Variants in COX7A2L observed in about 807,000 individuals in gnomAD.
COX7A2L encodes cytochrome c oxidase subunit 7A2-like, mitochondrial.
Under a neutral mutation model 14.2 loss-of-function variants are expected in COX7A2L, and 18 were observed. That is an observed-to-expected ratio of 1.27 (90% CI 0.88 to 1.88). The LOEUF (loss-of-function observed/expected upper bound fraction) is 1.88, where lower values mean the gene tolerates loss of function less well. Among genes scored for constraint, COX7A2L ranks in the 40% most tolerant of loss-of-function variants. COX7A2L has a pLI of 0.00. For missense variants in COX7A2L, 179 were observed against 138.8 expected (o/e 1.29, Z -1.46); for synonymous variants, 65 against 57.4 (o/e 1.13, Z -0.60).
upstream of COX7A2L, among the ~76,000 whole-genome samples, chr2:42,363,222 G>A (rs1224093006): frequency 2.0e-5 from 3 of 152,030 alleles, no homozygotes; most frequent in Non-Finnish European, 2.9e-5. Context: ...ATTTTTCTAC[G>A]ACAAAAAGTT....
rs550235783 is a variant in COX7A2L, at chr2:42,354,874, G to A, written c.73-1531C>T. On this transcript the variant is annotated intron_variant, in intron 1 of 2. Coordinates refer to ENST00000234301, the MANE Select transcript of COX7A2L (RefSeq NM_004718.4). ...CAGCTAATATCTATTTAACCCTTGT[G>A]AAGTGTCAGTATCATGTCAAACATT... is the stretch of plus-strand genomic sequence containing the variant. 2.0e-5 allele frequency among the ~76,000 whole-genome samples: 3 copies of A among 152,322 alleles called. No individual in the cohort carries two copies. The South Asian group carries it at 6.2e-4, about 32-fold the overall frequency.
chr2:42,355,303 T>C (rs1161594209), intron 1 of COX7A2L, among the ~76,000 whole-genome samples: 1 of 152,348 alleles, frequency 6.6e-6, no homozygotes, highest in Admixed American at 6.5e-5. Context: ...CTCCTTTATA[T>C]CATTCTGTGA....
chr2:42,337,830 G>T (rs895753910), intron 2 of COX7A2L, among the ~76,000 whole-genome samples: 3 of 152,190 alleles, frequency 2.0e-5, no homozygotes, highest in African/African-American at 7.2e-5. Flanking sequence ...CTACCACGAA[G>T]CCTTTTGAAA....
downstream of COX7A2L, among the ~76,000 whole-genome samples, chr2:42,346,793 T>G (rs1406047358): frequency 1.3e-5 from 2 of 152,190 alleles, no homozygotes; most frequent in African/African-American, 4.8e-5. Flanking sequence ...TTTATTATAA[T>G]TAGTGATGTT....
rs1238994224 is a variant in COX7A2L, at chr2:42,338,629, G to A, written c.193-4760C>T. 6.6e-6 allele frequency among the ~76,000 whole-genome samples: 1 copy of A among 152,158 alleles called. No individual in the cohort carries two copies. The highest frequency in any genetic ancestry group is 2.4e-5 in the African/African-American group (1 of 41,424). On this transcript the variant is annotated intron_variant, in intron 2 of 2. Transcript: ENST00000468711. This position sits in a 1 kb window ranked among gnomAD's most constrained non-coding sequence, Gnocchi z 4.4. ...ACTCAGCCCCCACCAAGACCGTAGA[G>A]CCTTAGTGTGATTCAACTCCATCCC...
chr2:42,353,378 G>T, intron 1 of COX7A2L, 35 bp from the exon 2 acceptor site: 1 of 1,611,390 alleles, frequency 6.2e-7, no homozygotes, highest in Non-Finnish European at 8.5e-7. Flanking sequence ...CAAGTTGAAA[G>T]TATGTCTGAG....
intron 2 of COX7A2L, among the ~76,000 whole-genome samples, chr2:42,351,897 C>A (rs887454276): frequency 1.1e-4 from 16 of 152,074 alleles, no homozygotes; most frequent in African/African-American, 3.9e-4. Context: ...GTGGGAGGAT[C>A]GCTTGAGCCC....
intron 1 of COX7A2L, among the ~76,000 whole-genome samples, chr2:42,355,168 A>G (rs1335809155): frequency 6.6e-6 from 1 of 152,212 alleles, no homozygotes; most frequent in African/African-American, 2.4e-5. Context: ...GTTGGCCTAC[A>G]TTTAGAAATA....
intron 1 of COX7A2L, chr2:42,359,029 T>C (rs1200954106): frequency 3.3e-5 from 5 of 152,196 alleles, no homozygotes; most frequent in Non-Finnish European, 7.3e-5. Flanking sequence ...AACTGTGATA[T>C]ATTTATAAAA....
rs1670593542 is a variant in COX7A2L, at chr2:42,350,154, GCT to G, written c.*1063_*1064del. 2 of 152,152 alleles carry G rather than the reference GCT, an allele frequency of 1.3e-5. No homozygotes were observed. The highest frequency in any genetic ancestry group is 4.8e-5 in the African/African-American group (2 of 41,426). The allele number at this position is 152,152 out of a possible 1,614,324, so 9.4% of individuals were successfully genotyped here. A position where few individuals can be genotyped will look rare whatever the true frequency, so the allele number is the denominator to read the frequency against. On this transcript the variant is annotated 3_prime_UTR_variant, in exon 3 of 3. Transcript: ENST00000234301. ...CCTGAGCAAGAGGTCACTGTTCTGT[GCT>G]ATGGTAAGATACAAACTATTCCTTC...
rs1036809384 is a variant in COX7A2L, at chr2:42,338,264, C to T, written c.193-4395G>A. ...GGTTGATGTGTCGTTGGTACTCCTC[C>T]TCGGATGCCCTCTCCTGAAGCCATC... On this transcript the variant is annotated intron_variant, in intron 2 of 2. Transcript: ENST00000468711. This position sits in a 1 kb window ranked among gnomAD's most constrained non-coding sequence, Gnocchi z 4.4. Among the ~76,000 whole-genome samples the T allele has an allele frequency of 6.6e-6, 1 of 152,214 alleles. No individual in the cohort carries two copies. Among genetic ancestry groups the T allele is most frequent in the African/African-American group, 2.4e-5 (1 of 41,464 alleles).
chr2:42,344,906 G>C (rs186256122), downstream of COX7A2L, among the ~76,000 whole-genome samples: 3 of 151,670 alleles, frequency 2.0e-5, no homozygotes, highest in African/African-American at 7.2e-5. Flanking sequence ...GGTTTCCATG[G>C]ATAAATCTTG....
upstream of COX7A2L, among the ~76,000 whole-genome samples, chr2:42,365,258 C>T (rs1253040705): frequency 6.6e-6 from 1 of 152,188 alleles, no homozygotes; most frequent in Non-Finnish European, 1.5e-5. Flanking sequence ...CACTCTCTAC[C>T]TCACATACAT....
At chr2:42,366,899 G>C (rs951670828) in intron 1 of COX7A2L, among the ~76,000 whole-genome samples, 2 of 152,254 alleles carry the variant, frequency 1.3e-5, no homozygotes, top group African/African-American at 4.8e-5. Context: ...GGGACAGTCA[G>C]ACTAGAGCTG....
upstream of COX7A2L, chr2:42,361,434 T>TA: frequency 2.7e-6 from 1 of 373,218 alleles, no homozygotes; most frequent in Non-Finnish European, 4.9e-6. Context: ...GTTCCCTCTT[T>TA]CCCCCATTCA....
chr2:42,355,318 A>G (rs911067897), intron 1 of COX7A2L, among the ~76,000 whole-genome samples: 1 of 152,246 alleles, frequency 6.6e-6, no homozygotes, highest in African/African-American at 2.4e-5. Context: ...CTGTGAGCTC[A>G]CCATATTTTC....
chr2:42,346,087 C>A (rs572232464), downstream of COX7A2L, among the ~76,000 whole-genome samples: 1 of 152,276 alleles, frequency 6.6e-6, no homozygotes, highest in African/African-American at 2.4e-5. Flanking sequence ...CTGCATCTGC[C>A]CCCACAGCCT....
At chr2:42,364,461 T>A (rs1432028269), upstream of COX7A2L, among the ~76,000 whole-genome samples, 1 of 152,114 alleles carries the variant, frequency 6.6e-6, no homozygotes. Context: ...CTCTCTCTTT[T>A]TACATTTTCC....
intron 2 of COX7A2L, chr2:42,353,007 G>A: frequency 1.6e-6 from 1 of 621,558 alleles, no homozygotes; most frequent in South Asian, 2.2e-5. Flanking sequence ...ATACTAATGA[G>A]GAAATTAACC....
Sources: allele counts gnomAD v4.1 joint callset (sites outside exome capture counted in the v4.1 genomes callset), GRCh38; gene constraint gnomAD v4.1.1; non-coding constraint Gnocchi (gnomAD v3.1); transcripts MANE v1.5; gene names NCBI Gene and HGNC (gene_info 2026-07-23, HGNC 2026-07-21).